AGPAT4: variants seen among roughly 807,000 people sequenced by gnomAD.
The protein encoded by AGPAT4 is 1-acylglycerol-3-phosphate O-acyltransferase 4.
In AGPAT4, 15 loss-of-function variants were observed where a neutral mutation model predicts 48.0. The observed-to-expected ratio is 0.31, with a 90% CI of 0.21 to 0.48. AGPAT4 has a LOEUF of 0.48. Ranked by LOEUF, AGPAT4 falls within the 20% of genes least tolerant of loss-of-function variation. The pLI, the probability that AGPAT4 is intolerant of heterozygous loss-of-function variation, is 0.99. For synonymous variants in AGPAT4, 178 were observed against 198.7 expected, an observed-to-expected ratio of 0.90 and a Z score of 0.88; for missense variants, 314 against 482.5, an observed-to-expected ratio of 0.65 and a Z score of 3.27.
Position 161,139,290 on chromosome 6 carries a change from T to C in AGPAT4, c.1042+132A>G. On this transcript the variant is annotated intron_variant, in intron 8 of 8. Coordinates refer to ENST00000320285, the MANE Select transcript of AGPAT4 (RefSeq NM_020133.3). The surrounding 1 kb of genome is among the most constrained non-coding windows in gnomAD (Gnocchi z 9.1). ...CTCATCCTGAAGTCTAATCTTTCCC[T>C]GTGATTGCAAGCTGAGCCTGCTCCT... 9.6e-7 allele frequency: 1 copy of C among 1,045,862 alleles called. No individual in the cohort carries two copies. Among genetic ancestry groups the C allele is most frequent in the Non-Finnish European group, 1.4e-6 (1 of 713,358 alleles). The allele number at this position is 1,045,862 out of a possible 1,614,324, so 64.8% of individuals were successfully genotyped here.
At chr6:161,136,810 A>G (rs1779082497) in intron 8 of AGPAT4, among the ~76,000 whole-genome samples, 176 bp from the exon 9 acceptor site, 1 of 152,204 alleles carries the variant, frequency 6.6e-6, no homozygotes, top group East Asian at 1.9e-4. Context: ...GAGTGTGGAC[A>G]TCCATGTGAC....
At chr6:161,268,802 C>T (rs148897888) in intron 1 of AGPAT4, among the ~76,000 whole-genome samples, 8 of 119,706 alleles carry the variant, frequency 6.7e-5, no homozygotes, top group Admixed American at 3.0e-4. Context: ...TCCAGGCTGA[C>T]GGTGGAACTT....
chr6:161,141,070 T>C lies in AGPAT4; in HGVS notation c.844-1450A>G, dbSNP rs1012635958. Among the ~76,000 whole-genome samples the C allele has an allele frequency of 1.3e-5, 2 of 152,302 alleles. No individual in the cohort carries two copies. Among genetic ancestry groups the C allele is most frequent in the African/African-American group, 4.8e-5 (2 of 41,572 alleles). On this transcript the variant is annotated intron_variant, in intron 7 of 8. Transcript: ENST00000320285. The surrounding 1 kb of genome is among the most constrained non-coding windows in gnomAD (Gnocchi z 6.7). The stretch of plus-strand genomic sequence containing the variant: ...AAGTATCTCATACTTTTCTTCTTTT[T>C]CATTCAGGGTGTACTGAATCATAGG...
In AGPAT4 at chr6:161,195,091, G is replaced by A. The variant is rs981288111; in HGVS notation, c.179-28674C>T. 3.9e-5 allele frequency among the ~76,000 whole-genome samples: 6 copies of A among 152,078 alleles called. No homozygotes were observed. In the East Asian group the frequency reaches 1.2e-3, roughly 29 times the overall value. ...ACTGTGAAGAATACTATTTATTGAG[G>A]CCTTTCTGGGGATCTCAACATTAAG... On this transcript the variant is annotated intron_variant, in intron 2 of 8. Coordinates refer to ENST00000320285, the MANE Select transcript of AGPAT4 (RefSeq NM_020133.3). This position sits in a 1 kb window ranked among gnomAD's most constrained non-coding sequence, Gnocchi z 5.0.
At chr6:161,179,339 T>C (rs1376722250) in intron 2 of AGPAT4, among the ~76,000 whole-genome samples, 3 of 152,066 alleles carry the variant, frequency 2.0e-5, no homozygotes, top group African/African-American at 4.8e-5. Flanking sequence ...CATGATTATA[T>C]AAAACATGAT....
rs1367229411 is a variant in AGPAT4 at position 161,259,790 on chromosome 6, C to T, written c.-90+14148G>A. On this transcript the variant is annotated intron_variant, in intron 1 of 8. Transcript: ENST00000320285. This position sits in a 1 kb window ranked among gnomAD's most constrained non-coding sequence, Gnocchi z 4.9. ...ACCAAGGAAGAGAGTTAAGAACTGC[C>T]GAAAGAAAATGAAAGTCTTCCGGAC... is the stretch of plus-strand genomic sequence containing the variant. Among the ~76,000 whole-genome samples, 1 of 152,098 alleles carries T rather than the reference C, an allele frequency of 6.6e-6. No homozygotes were observed. The highest frequency in any genetic ancestry group is 2.1e-4 in the South Asian group (1 of 4,810).
rs146840733 is a variant in AGPAT4, at chr6:161,138,143, C to T, written c.1042+1279G>A. ...GGACCCTTGGCCAGCCTCAGCATGG[C>T]GGGGCATGGGGGTGCCCCTGGACCT... On this transcript the variant is annotated intron_variant, in intron 8 of 8. Transcript: ENST00000320285. The surrounding 1 kb of genome is among the most constrained non-coding windows in gnomAD (Gnocchi z 4.8). Among the ~76,000 whole-genome samples the T allele has an allele frequency of 0.043, 6,586 of 152,296 alleles. 178 individuals carry two copies. Among genetic ancestry groups the T allele is most frequent in the Non-Finnish European group, 0.049 (3,362 of 68,016 alleles).
rs1003313692 is a variant in AGPAT4, at chr6:161,220,114, A to G, written c.178+11922T>C. Reference sequence around the variant, plus strand: ...CTCTCCATTGAATCAGCTTCATGAGACTGATTCATTTGGATATTTAATGTG... The same window carrying G: ...CTCTCCATTGAATCAGCTTCATGAGGCTGATTCATTTGGATATTTAATGTG... On this transcript the variant is annotated intron_variant, in intron 2 of 8. Transcript: ENST00000320285. This position sits in a 1 kb window ranked among gnomAD's most constrained non-coding sequence, Gnocchi z 6.0. Among the ~76,000 whole-genome samples the G allele has an allele frequency of 1.3e-5, 2 of 152,164 alleles. No homozygotes were observed. The highest frequency in any genetic ancestry group is 4.8e-5 in the African/African-American group (2 of 41,432).
chr6:161,187,736 G>A (rs141300363), intron 2 of AGPAT4, among the ~76,000 whole-genome samples: 8 of 152,132 alleles, frequency 5.3e-5, no homozygotes, highest in African/African-American at 1.9e-4. Context: ...TAGAGACAGG[G>A]TTTCACCATG....
At chr6:161,207,882 C>T (rs1781420423) in intron 2 of AGPAT4, among the ~76,000 whole-genome samples, 1 of 151,998 alleles carries the variant, frequency 6.6e-6, no homozygotes, top group Non-Finnish European at 1.5e-5. Flanking sequence ...TGGGTGGGGA[C>T]AGGAGTGTGG....
Position 161,253,726 on chromosome 6 carries a change from CACAA to C in AGPAT4, c.-90+20208_-90+20211del, listed in dbSNP as rs767623629. Among the ~76,000 whole-genome samples, 5 of 152,150 alleles carry C rather than the reference CACAA, an allele frequency of 3.3e-5. No homozygotes were observed. In the East Asian group the frequency reaches 7.7e-4, roughly 23 times the overall value. Reference sequence around the variant, plus strand: ...TACTGTATTATTTAACATATGTATTCACAAACAATGTGCAATTTATAATGTCTGA... The same window carrying C: ...TACTGTATTATTTAACATATGTATTCACAATGTGCAATTTATAATGTCTGA... On this transcript the variant is annotated intron_variant, in intron 1 of 8. Coordinates refer to ENST00000320285, the MANE Select transcript of AGPAT4 (RefSeq NM_020133.3).
At position 161,148,784 on chromosome 6, in the gene AGPAT4, A is replaced by C. The variant is rs140981648; in HGVS notation, c.767+403T>G. 2.0e-5 allele frequency among the ~76,000 whole-genome samples: 3 copies of C among 152,222 alleles called. No individual in the cohort carries two copies. Among genetic ancestry groups the C allele is most frequent in the Non-Finnish European group, 2.9e-5 (2 of 68,042 alleles). ...TCATTAATAGCCTGGAACATAACAC[A>C]TAAGTGAGACACTGCAAGAGTTCTG... On this transcript the variant is annotated intron_variant, in intron 6 of 8. Coordinates refer to ENST00000320285, the MANE Select transcript of AGPAT4 (RefSeq NM_020133.3). This position sits in a 1 kb window ranked among gnomAD's most constrained non-coding sequence, Gnocchi z 5.5.
chr6:161,176,900 A>AATTC (rs913490428), intron 2 of AGPAT4, among the ~76,000 whole-genome samples: 1 of 152,102 alleles, frequency 6.6e-6, no homozygotes, highest in African/African-American at 2.4e-5. Context: ...TTTACTTATG[A>AATTC]AGCTTAGTTT....
At chr6:161,256,109 G>C (rs1393599979) in intron 1 of AGPAT4, among the ~76,000 whole-genome samples, 3 of 152,160 alleles carry the variant, frequency 2.0e-5, no homozygotes, top group African/African-American at 4.8e-5. Flanking sequence ...AGGCCGGTTG[G>C]CAGGATGTTA....
chr6:161,248,032 G>T (rs1368524763), intron 1 of AGPAT4, among the ~76,000 whole-genome samples: 1 of 128,326 alleles, frequency 7.8e-6, no homozygotes, highest in African/African-American at 3.0e-5. Flanking sequence ...AATTAGGCAA[G>T]AGAAAGAAAT....
At chr6:161,213,591 A>T (rs1225209853) in intron 2 of AGPAT4, among the ~76,000 whole-genome samples, 2 of 152,184 alleles carry the variant, frequency 1.3e-5, no homozygotes, top group African/African-American at 4.8e-5. Context: ...AGCCCTGTGA[A>T]CTGAAGCCAG....
chr6:161,270,137 C>T lies in AGPAT4; in HGVS notation c.-90+3801G>A, dbSNP rs1381273383. Among the ~76,000 whole-genome samples, 1 of 152,232 alleles carries T rather than the reference C, an allele frequency of 6.6e-6. No homozygotes were observed. Among genetic ancestry groups the T allele is most frequent in the East Asian group, 1.9e-4 (1 of 5,200 alleles). ...TTTCCCTTGTAAACCCATTTGAAAA[C>T]TATAACTATTTAAACTGTATCTTGT... On this transcript the variant is annotated intron_variant, in intron 1 of 8. Coordinates refer to ENST00000320285, the MANE Select transcript of AGPAT4 (RefSeq NM_020133.3). This position sits in a 1 kb window ranked among gnomAD's most constrained non-coding sequence, Gnocchi z 5.3.
rs1006116761 is a variant in AGPAT4 at position 161,189,754 on chromosome 6, T to G, written c.179-23337A>C. Among the ~76,000 whole-genome samples, 3 of 152,000 alleles carry G rather than the reference T, an allele frequency of 2.0e-5. No homozygotes were observed. Among genetic ancestry groups the G allele is most frequent in the African/African-American group, 7.2e-5 (3 of 41,382 alleles). On this transcript the variant is annotated intron_variant, in intron 2 of 8. Coordinates refer to ENST00000320285, the MANE Select transcript of AGPAT4 (RefSeq NM_020133.3). The surrounding 1 kb of genome is among the most constrained non-coding windows in gnomAD (Gnocchi z 5.3). Reference sequence around the variant, plus strand: ...CACCGCCCTCCTAACCCCTCTCTCCTCCACCCAAAAAAGGGCTGAATGCCA... The same window carrying G: ...CACCGCCCTCCTAACCCCTCTCTCCGCCACCCAAAAAAGGGCTGAATGCCA...
rs370584887 is a variant in AGPAT4, at chr6:161,228,661, T to A, written c.178+3375A>T. ...TTTGAAACCCACAATGTCAGAGAGG[T>A]AAAAAAAAAAAAAAAAGCCAGTCTT... is the stretch of plus-strand genomic sequence containing the variant. On this transcript the variant is annotated intron_variant, in intron 2 of 8. Transcript: ENST00000320285. 7.4e-4 allele frequency among the ~76,000 whole-genome samples: 62 copies of A among 84,084 alleles called. 1 individual carries two copies. Among genetic ancestry groups the A allele is most frequent in the African/African-American group, 1.2e-3 (21 of 17,882 alleles). 55.2% of individuals were successfully genotyped at this position (84,084 alleles called of 152,430 possible). A position where few individuals can be genotyped will look rare whatever the true frequency, so the allele number is the denominator to read the frequency against.
Sources: gnomAD v4.1 joint callset for allele counts (sites outside exome capture counted in the v4.1 genomes callset) on GRCh38, gnomAD v4.1.1 for gene constraint, Gnocchi (gnomAD v3.1) non-coding constraint, MANE v1.5 for transcripts, NCBI Gene and HGNC (gene_info 2026-07-23, HGNC 2026-07-21) for gene names.